The following MEF2C variants were observed in gnomAD, a reference collection of about 807,000 sequenced individuals.
MEF2C encodes the protein myocyte enhancer factor 2C.
MEF2C carries 6 observed loss-of-function variants against 50.5 expected under a neutral mutation model. The ratio of observed to expected loss-of-function variants is 0.12; its 90% CI spans 0.07 to 0.23. The LOEUF is 0.23. Among genes scored for constraint, MEF2C ranks in the 10% least tolerant of loss-of-function variants. The pLI is 1.00. For missense variants in MEF2C, 276 were observed against 605.0 expected (o/e 0.46, Z 5.70); for synonymous variants, 183 against 228.0 (o/e 0.80, Z 1.78).
In MEF2C at chr5:88,748,419, C is replaced by T. The variant is rs571738572; in HGVS notation, c.637+651G>A. On this transcript the variant is annotated intron_variant, in intron 6 of 10. Transcript: ENST00000504921. ...AAAGTATTGTGCTATCTTGCCTCTG[C>T]ATTGAAAATGACATCGATATCTCAA... Among the ~76,000 whole-genome samples the T allele has an allele frequency of 2.0e-5, 3 of 152,312 alleles. No individual in the cohort carries two copies. The East Asian group carries it at 5.8e-4, about 29-fold the overall frequency.
At chr5:88,748,872 G>A in intron 6 of MEF2C, 198 bp downstream of exon 6, 1 of 985,006 alleles carries the variant, frequency 1.0e-6, no homozygotes. Context: ...GAAGGTTCTA[G>A]TTAATAAATA....
chr5:88,748,297 T>C, intron 6 of MEF2C: 2 of 563,236 alleles, frequency 3.6e-6, no homozygotes, highest in Non-Finnish European at 4.5e-6. Flanking sequence ...GTGTCATTCA[T>C]GCCTGCCTCC....
At chr5:88,873,996 G>T (rs749743690) in intron 1 of MEF2C, among the ~76,000 whole-genome samples, 1 of 151,832 alleles carries the variant, frequency 6.6e-6, no homozygotes, top group Non-Finnish European at 1.5e-5. Flanking sequence ...AGGGTGAAAA[G>T]ATCTACTTTT....
intron 10 of MEF2C, among the ~76,000 whole-genome samples, chr5:88,724,641 TATCA>T (rs1312680608): frequency 5.3e-5 from 8 of 152,148 alleles, no homozygotes; most frequent in Non-Finnish European, 8.8e-5. Context: ...ATTTATAGTC[TATCA>T]GTTTACTAAT....
chr5:88,807,286 C>G (rs2153090723), intron 2 of MEF2C, among the ~76,000 whole-genome samples: 1 of 152,208 alleles, frequency 6.6e-6, no homozygotes, highest in East Asian at 1.9e-4. Flanking sequence ...TGTAGCGGTA[C>G]TAGAATAGCT....
intron 6 of MEF2C, chr5:88,740,135 G>A (rs1765908832): frequency 1.0e-6 from 1 of 985,060 alleles, no homozygotes; most frequent in African/African-American, 1.7e-5. Context: ...TCTTCTCTTT[G>A]ACCATGTCAC....
Position 88,721,068 on chromosome 5 carries a change from G to A in MEF2C, c.*1536C>T, listed in dbSNP as rs1341111905. Reference sequence around the variant, plus strand: ...AGTCTTTCACATTTTTCTTCTGTGGGAATTTATAACTTATTCACCAAGTAA... The same window carrying A: ...AGTCTTTCACATTTTTCTTCTGTGGAAATTTATAACTTATTCACCAAGTAA... On this transcript the variant is annotated 3_prime_UTR_variant, in exon 11 of 11. Coordinates refer to ENST00000504921, the MANE Select transcript of MEF2C (RefSeq NM_002397.5). 1 of 152,484 alleles carries A rather than the reference G, an allele frequency of 6.6e-6. No homozygotes were observed. Among genetic ancestry groups the A allele is most frequent in the African/African-American group, 2.4e-5 (1 of 41,404 alleles). 9.4% of individuals were successfully genotyped at this position (152,484 alleles called of 1,614,324 possible). A position where few individuals can be genotyped will look rare whatever the true frequency, so the allele number is the denominator to read the frequency against.
chr5:88,902,440 G>A (rs1036496202), intron 1 of MEF2C, among the ~76,000 whole-genome samples: 12 of 151,702 alleles, frequency 7.9e-5, no homozygotes, highest in Non-Finnish European at 1.5e-4. Context: ...TAAAATGTTT[G>A]TGGGTAACGT....
At chr5:88,864,712 TC>T (rs1826693369) in intron 1 of MEF2C, among the ~76,000 whole-genome samples, 1 of 151,910 alleles carries the variant, frequency 6.6e-6, no homozygotes. Context: ...AGCCTCAGTT[TC>T]CCAAGTAGTT....
intron 10 of MEF2C, among the ~76,000 whole-genome samples, chr5:88,726,821 G>T (rs981311315): frequency 6.6e-6 from 1 of 152,006 alleles, no homozygotes; most frequent in Admixed American, 6.6e-5. Flanking sequence ...TTTTAAAATT[G>T]TAGTACAGCT....
At chr5:88,771,068 A>G (rs557048972) in intron 3 of MEF2C, among the ~76,000 whole-genome samples, 1 of 152,196 alleles carries the variant, frequency 6.6e-6, no homozygotes, top group South Asian at 2.1e-4. Context: ...GTGCGGGGGA[A>G]CCCCCATTTA....
chr5:88,873,708 A>ATT (rs199642010), intron 1 of MEF2C, among the ~76,000 whole-genome samples: 1,037 of 93,680 alleles, frequency 0.011, 30 homozygotes, highest in African/African-American at 0.03. Context: ...GTCGTCACGG[A>ATT]TTTTTTTTTT....
chr5:88,880,693 A>C lies in MEF2C; in HGVS notation c.-143+2262T>G, dbSNP rs185012652. On this transcript the variant is annotated intron_variant, in intron 1 of 10. Coordinates refer to ENST00000504921, the MANE Select transcript of MEF2C (RefSeq NM_002397.5). ...AAAATTTCAGGTATCTTTTCCCCCA[A>C]ATTTTTCAAAATGAACATGTTTACA... 1.6e-3 allele frequency among the ~76,000 whole-genome samples: 244 copies of C among 152,078 alleles called. 1 individual carries two copies. The highest frequency in any genetic ancestry group is 5.6e-3 in the African/African-American group (234 of 41,514).
chr5:88,832,388 T>G (rs1813404795), intron 1 of MEF2C, among the ~76,000 whole-genome samples: 1 of 152,094 alleles, frequency 6.6e-6, no homozygotes. Context: ...TACCTCCCTC[T>G]AAAAAAGCAG....
intron 4 of MEF2C, among the ~76,000 whole-genome samples, chr5:88,760,731 C>T (rs193211730): frequency 2.8e-4 from 43 of 152,230 alleles, no homozygotes; most frequent in South Asian, 8.3e-4. Context: ...TGTAAATTTA[C>T]GGTGTGTCTC....
chr5:88,742,312 T>C (rs1044801993), intron 6 of MEF2C: 2 of 984,796 alleles, frequency 2.0e-6, no homozygotes, highest in Admixed American at 6.2e-5. Context: ...AGGAACCTAA[T>C]AGGTGTATAA....
chr5:88,826,403 A>T (rs971662431), intron 1 of MEF2C, among the ~76,000 whole-genome samples: 3 of 151,990 alleles, frequency 2.0e-5, no homozygotes, highest in African/African-American at 7.2e-5. Context: ...TCCAAAATTT[A>T]GTATGAAGTA....
chr5:88,740,785 A>C (rs1038002708), intron 6 of MEF2C: 80 of 985,214 alleles, frequency 8.1e-5, no homozygotes, highest in Non-Finnish European at 9.0e-5. Context: ...ATCTTTAAAA[A>C]ATTCCATTTA....
rs890732999 is a variant in MEF2C at position 88,719,992 on chromosome 5, C to G, written c.*2612G>C. Reference sequence around the variant, plus strand: ...TTTTCTTTGTTGCTGAGGCAAATTGCAGGTTAAAAAACTAATATGGCTATT... The same window carrying G: ...TTTTCTTTGTTGCTGAGGCAAATTGGAGGTTAAAAAACTAATATGGCTATT... On this transcript the variant is annotated 3_prime_UTR_variant, in exon 11 of 11. Coordinates refer to ENST00000504921, the MANE Select transcript of MEF2C (RefSeq NM_002397.5). 10 of 152,166 alleles carry G rather than the reference C, an allele frequency of 6.6e-5. No homozygotes were observed. Among genetic ancestry groups the G allele is most frequent in the African/African-American group, 2.2e-4 (9 of 41,434 alleles). 9.4% of individuals were successfully genotyped at this position (152,166 alleles called of 1,614,324 possible).
Sources: gnomAD v4.1 joint callset for allele counts (sites outside exome capture counted in the v4.1 genomes callset) on GRCh38, gnomAD v4.1.1 for gene constraint, MANE v1.5 for transcripts, NCBI Gene and HGNC (gene_info 2026-07-23, HGNC 2026-07-21) for gene names.